Variants in CDH23 observed in about 807,000 individuals in gnomAD.
The protein encoded by CDH23 is cadherin related 23, also known as cadherin-23.
Under a neutral mutation model 317.1 loss-of-function variants are expected in CDH23, and 189 were observed. That is an observed-to-expected ratio of 0.60 (90% CI 0.53 to 0.67). CDH23 has a LOEUF of 0.67. Ranked by LOEUF, CDH23 falls within the 30% of genes least tolerant of loss-of-function variation. CDH23 has a pLI of 0.00. For missense variants in CDH23, 4,401 were observed against 4,592.4 expected, an observed-to-expected ratio of 0.96 and a Z score of 1.20; for synonymous variants, 1,839 against 1,876.8, an observed-to-expected ratio of 0.98 and a Z score of 0.52.
At position 71,706,948 on chromosome 10, in the gene CDH23, T is replaced by TA. The variant is rs754296234; in HGVS notation, c.3005_3006insA (p.Ser1003ValfsTer95). The TA allele has an allele frequency of 6.2e-7, 1 of 1,607,702 alleles. No individual in the cohort carries two copies. The highest frequency in any genetic ancestry group is 1.1e-5 in the South Asian group (1 of 89,586). ...ACCTTCTTCCCGGCCGTGTACAATG[T>TA]GTCTGTGTCCGAGGACGTGCCACGC... On this transcript the variant is annotated frameshift_variant, in exon 26 of 70. Transcript: ENST00000224721. LOFTEE classifies it high-confidence loss of function.
At chr10:71,519,142 C>T (rs973661602) in intron 6 of CDH23, among the ~76,000 whole-genome samples, 2 of 152,240 alleles carry the variant, frequency 1.3e-5, no homozygotes, top group Admixed American at 1.3e-4. Context: ...TTGCGGGACC[C>T]TCTGCCATGA....
chr10:71,680,370 G>A (rs558389543), intron 17 of CDH23, among the ~76,000 whole-genome samples: 12 of 152,310 alleles, frequency 7.9e-5, no homozygotes, highest in African/African-American at 2.4e-4. Flanking sequence ...AGAAGGAATC[G>A]ATGTGCGTTG....
intron 9 of CDH23, among the ~76,000 whole-genome samples, chr10:71,578,247 G>T (rs947962939): frequency 2.6e-5 from 4 of 152,178 alleles, no homozygotes; most frequent in Non-Finnish European, 4.4e-5. Context: ...TGGGCACTGG[G>T]GGGTGGGCGC....
chr10:71,812,492 G>A lies in CDH23; in HGVS notation c.9393G>A (p.Val3131=), dbSNP rs1841971654. 1.9e-6 allele frequency: 3 copies of A among 1,600,414 alleles called. No individual in the cohort carries two copies. In the Admixed American group the frequency reaches 5.0e-5, roughly 27 times the overall value. ...NKYSFDGANP[V]WLDPFCRNLE... ...TCCCCAACTGCAGAGCCAACCCTGT[G>A]TGGCTGGATCCCTTCTGTCGGAACC... Residue 3131 remains valine, a synonymous_variant, in exon 67 of 70, where the codon GTG becomes GTA. Coordinates refer to ENST00000224721, the MANE Select transcript of CDH23 (RefSeq NM_022124.6).
At chr10:71,528,392 G>A (rs1017051606) in intron 6 of CDH23, among the ~76,000 whole-genome samples, 8 of 152,246 alleles carry the variant, frequency 5.3e-5, no homozygotes, top group Middle Eastern at 6.8e-3. Flanking sequence ...GTGCCCCCTC[G>A]GCCTGGCCAG....
intron 11 of CDH23, among the ~76,000 whole-genome samples, chr10:71,643,470 G>A (rs777512286): frequency 6.6e-6 from 1 of 152,196 alleles, no homozygotes; most frequent in Non-Finnish European, 1.5e-5. Flanking sequence ...CTCCAGGGAT[G>A]TAGGATGTAG....
At chr10:71,768,619 A>C (rs1840613804) in intron 38 of CDH23, among the ~76,000 whole-genome samples, 1 of 152,042 alleles carries the variant, frequency 6.6e-6, no homozygotes, top group Non-Finnish European at 1.5e-5. Flanking sequence ...CTACAGACAC[A>C]TGCCACTATG....
chr10:71,625,621 T>C (rs1861696995), intron 11 of CDH23, among the ~76,000 whole-genome samples: 1 of 152,156 alleles, frequency 6.6e-6, no homozygotes, highest in Admixed American at 6.5e-5. Context: ...CTTGTATTTA[T>C]TTAAATTTAT....
intron 6 of CDH23, among the ~76,000 whole-genome samples, chr10:71,515,129 A>G (rs4623816): frequency 0.72 from 110,086 of 152,050 alleles, 40,985 homozygotes; most frequent in African/African-American, 0.9. Context: ...GTGGTGCCAG[A>G]TGGCTCACTG....
At chr10:71,452,882 C>G (rs907076599) in intron 3 of CDH23, among the ~76,000 whole-genome samples, 2 of 152,174 alleles carry the variant, frequency 1.3e-5, no homozygotes, top group Non-Finnish European at 2.9e-5. Flanking sequence ...GGAGAGATGG[C>G]ATGATCTGCA....
chr10:71,784,851 G>A (rs749703582), intron 42 of CDH23, 40 bp from the exon 43 acceptor site: 70 of 1,555,110 alleles, frequency 4.5e-5, no homozygotes, highest in African/African-American at 1.2e-4. Context: ...AACATCTGTC[G>A]CTCTTCCTCC....
At chr10:71,779,244 G>A in intron 40 of CDH23, 23 bp from the exon 41 acceptor site, 1 of 1,613,490 alleles carries the variant, frequency 6.2e-7, no homozygotes, top group Non-Finnish European at 8.5e-7. Flanking sequence ...TGAGGCCTTG[G>A]CTAAGCTTTT....
chr10:71,725,573 A>T (rs1866774988), intron 30 of CDH23, 53 bp downstream of exon 30: 1 of 1,572,048 alleles, frequency 6.4e-7, no homozygotes. Flanking sequence ...CCAAGCCCAC[A>T]GCTAGAACAG....
intron 19 of CDH23, among the ~76,000 whole-genome samples, chr10:71,689,083 G>A (rs1312504): frequency 5.8e-4 from 49 of 84,632 alleles, no homozygotes; most frequent in African/African-American, 6.3e-4. Flanking sequence ...GGAGCCAGGG[G>A]TGGTGGAGCC....
At chr10:71,655,851 C>G (rs1425787617) in intron 14 of CDH23, among the ~76,000 whole-genome samples, 2 of 152,072 alleles carry the variant, frequency 1.3e-5, no homozygotes, top group Admixed American at 1.3e-4. Flanking sequence ...CCCAGCCCAT[C>G]GGCAACGGAG....
At chr10:71,798,664 G>C in intron 50 of CDH23, 86 bp downstream of exon 50, 1 of 1,079,826 alleles carries the variant, frequency 9.3e-7, no homozygotes, top group Admixed American at 2.5e-5. Context: ...CCCCTCTGTG[G>C]CTCCTCAGTG....
At position 71,578,720 on chromosome 10, in the gene CDH23, C is replaced by A. The variant is rs1053094796; in HGVS notation, c.832+728C>A. Among the ~76,000 whole-genome samples the A allele has an allele frequency of 1.4e-3, 59 of 42,484 alleles. No homozygotes were observed. The East Asian group carries it at 0.02, about 14-fold the overall frequency. 27.9% of individuals were successfully genotyped at this position (42,484 alleles called of 152,430 possible). On this transcript the variant is annotated intron_variant, in intron 9 of 69. Coordinates refer to ENST00000224721, the MANE Select transcript of CDH23 (RefSeq NM_022124.6). ...GCCCACAGACTCTGGCTCTGCCCAC[C>A]CCCCCATACATGCCATACACAGCCT...
chr10:71,612,172 G>T (rs928348723), intron 9 of CDH23, among the ~76,000 whole-genome samples: 1 of 152,066 alleles, frequency 6.6e-6, no homozygotes, highest in East Asian at 1.9e-4. Context: ...TTAATCACTC[G>T]TGCTTGGCAG....
At chr10:71,737,343 A>C (rs1839594568) in intron 34 of CDH23, among the ~76,000 whole-genome samples, 1 of 152,212 alleles carries the variant, frequency 6.6e-6, no homozygotes, top group South Asian at 2.1e-4. Flanking sequence ...GAGGAAATGG[A>C]AAATCAGAGA....
Sources: gnomAD v4.1 joint callset for allele counts (sites outside exome capture counted in the v4.1 genomes callset) on GRCh38, gnomAD v4.1.1 for gene constraint, MANE v1.5 for transcripts, NCBI Gene and HGNC (gene_info 2026-07-23, HGNC 2026-07-21) for gene names.